KCNMA1: variants seen among roughly 807,000 people sequenced by gnomAD.
KCNMA1 encodes potassium calcium-activated channel subfamily M alpha 1.
In KCNMA1, 29 loss-of-function variants were observed where a neutral mutation model predicts 140.0. The ratio of observed to expected loss-of-function variants is 0.21; its 90% confidence interval spans 0.15 to 0.28. KCNMA1 has a LOEUF of 0.28. Among genes scored for constraint, KCNMA1 ranks in the 10% least tolerant of loss-of-function variants. KCNMA1 has a pLI of 1.00. For missense variants in KCNMA1, 880 were observed against 1,602.2 expected, an observed-to-expected ratio of 0.55 and a Z score of 7.70; for synonymous variants, 612 against 611.9, an observed-to-expected ratio of 1.00 and a Z score of 0.00.
intron 22 of KCNMA1, 124 bp downstream of exon 22, chr10:76,949,018 C>T (rs2065276040): frequency 1.1e-6 from 1 of 878,230 alleles, no homozygotes; most frequent in Non-Finnish European, 1.9e-6. Context: ...GTGCTGAGTC[C>T]TCAGGCCCAT....
At chr10:77,333,350 C>CA (rs68185333) in intron 2 of KCNMA1, among the ~76,000 whole-genome samples, 179 of 105,524 alleles carry the variant, frequency 1.7e-3, no homozygotes, top group Non-Finnish European at 2.0e-3. Flanking sequence ...CCATGTCTAC[C>CA]AAAAAAAAAA....
intron 1 of KCNMA1, among the ~76,000 whole-genome samples, chr10:77,491,571 T>C (rs1363679210): frequency 6.6e-6 from 1 of 152,136 alleles, no homozygotes; most frequent in African/African-American, 2.4e-5. Context: ...TCCAATTTGC[T>C]GAGGACTGCA....
At chr10:77,558,627 A>C (rs2065343086) in intron 1 of KCNMA1, among the ~76,000 whole-genome samples, 1 of 152,150 alleles carries the variant, frequency 6.6e-6, no homozygotes, top group Non-Finnish European at 1.5e-5. Context: ...AGGGGAAAGA[A>C]ACAGATGGGC....
At chr10:77,163,706 T>C (rs2098598691) in intron 5 of KCNMA1, among the ~76,000 whole-genome samples, 1 of 152,226 alleles carries the variant, frequency 6.6e-6, no homozygotes, top group African/African-American at 2.4e-5. Context: ...GCTTCCATGA[T>C]GTACTGATGG....
chr10:77,187,755 A>G (rs1428129335), intron 3 of KCNMA1, among the ~76,000 whole-genome samples: 1 of 152,120 alleles, frequency 6.6e-6, no homozygotes, highest in Non-Finnish European at 1.5e-5. Context: ...CCTGCTTGCC[A>G]CTACAGCCCC....
intron 19 of KCNMA1, among the ~76,000 whole-genome samples, chr10:76,976,379 G>A (rs2077522807): frequency 6.6e-6 from 1 of 152,192 alleles, no homozygotes; most frequent in Admixed American, 6.5e-5. Context: ...AATTGTGTAA[G>A]TTTGAGTCCA....
chr10:77,421,752 T>C (rs1039886846), intron 1 of KCNMA1, among the ~76,000 whole-genome samples: 2 of 152,242 alleles, frequency 1.3e-5, no homozygotes, highest in African/African-American at 4.8e-5. Flanking sequence ...CCACAGCCTG[T>C]GGTGTGCCAG....
intron 15 of KCNMA1, among the ~76,000 whole-genome samples, chr10:77,037,858 G>A (rs922468298): frequency 2.4e-4 from 37 of 152,138 alleles, no homozygotes; most frequent in Admixed American, 4.6e-4. Context: ...GCTCCAGGGA[G>A]GGGGAGATCC....
intron 23 of KCNMA1, among the ~76,000 whole-genome samples, chr10:76,925,176 T>C (rs1431070485): frequency 6.6e-6 from 1 of 152,244 alleles, no homozygotes; most frequent in Non-Finnish European, 1.5e-5. Flanking sequence ...CATATTAATG[T>C]TTAAATGTTG....
intron 2 of KCNMA1, among the ~76,000 whole-genome samples, chr10:77,311,256 GCAAATACAGTGGTGGT>G (rs1326296285): frequency 6.6e-6 from 1 of 152,182 alleles, no homozygotes; most frequent in Non-Finnish European, 1.5e-5. Context: ...TTCTCCCCTG[GCAAATACAGTGGTGGT>G]CCCTGAGTCC....
chr10:77,622,171 T>C (rs1407441437), intron 1 of KCNMA1, among the ~76,000 whole-genome samples: 1 of 152,200 alleles, frequency 6.6e-6, no homozygotes, highest in Non-Finnish European at 1.5e-5. Context: ...GGGAATGTAA[T>C]AGAACTAGAC....
chr10:77,483,943 T>C (rs1487019244), intron 1 of KCNMA1, among the ~76,000 whole-genome samples: 1 of 152,150 alleles, frequency 6.6e-6, no homozygotes, highest in African/African-American at 2.4e-5. Flanking sequence ...GGTGACATTT[T>C]AATAAGGAAT....
At chr10:77,341,034 G>C (rs1232131315) in intron 2 of KCNMA1, among the ~76,000 whole-genome samples, 1 of 152,124 alleles carries the variant, frequency 6.6e-6, no homozygotes, top group Non-Finnish European at 1.5e-5. Context: ...AGGTCCCAGG[G>C]TCATGGCCTC....
chr10:77,229,614 A>G (rs1042236701), intron 3 of KCNMA1, among the ~76,000 whole-genome samples: 1 of 152,114 alleles, frequency 6.6e-6, no homozygotes, highest in Admixed American at 6.5e-5. Context: ...GGGAAGAGGG[A>G]GATCTGGATT....
chr10:76,934,257 C>T (rs1249797147), intron 23 of KCNMA1, among the ~76,000 whole-genome samples: 1 of 152,216 alleles, frequency 6.6e-6, no homozygotes, highest in Non-Finnish European at 1.5e-5. Context: ...CAGGCATGAG[C>T]CACTGCATCT....
chr10:77,372,837 C>T (rs1271873797), intron 2 of KCNMA1: 3 of 152,140 alleles, frequency 2.0e-5, no homozygotes, highest in Admixed American at 6.5e-5. Flanking sequence ...AGACTTGGTT[C>T]TATTAGCAGG....
In KCNMA1 at chr10:77,611,468, T is replaced by C. The variant is rs150065612; in HGVS notation, c.378+25797A>G. ...CCGGATCAAGGCTCATCTGAAGTCA[T>C]CCACCTTTCCAACTATATGAGTCAA... On this transcript the variant is annotated intron_variant, in intron 1 of 27. Transcript: ENST00000286628. Among the ~76,000 whole-genome samples the C allele has an allele frequency of 7.5e-4, 114 of 152,304 alleles. 1 individual carries two copies. The East Asian group carries it at 0.021, about 28-fold the overall frequency.
intron 1 of KCNMA1, among the ~76,000 whole-genome samples, chr10:77,601,658 A>G (rs1488838922): frequency 6.6e-6 from 1 of 152,230 alleles, no homozygotes; most frequent in Admixed American, 6.5e-5. Context: ...TGGAGGCCAC[A>G]GTCCAATCCC....
chr10:77,208,070 C>T (rs114395412), intron 3 of KCNMA1, among the ~76,000 whole-genome samples: 2,557 of 152,362 alleles, frequency 0.017, 66 homozygotes, highest in African/African-American at 0.058. Context: ...CCATTTTACA[C>T]ATTCTCAGTT....
Sources: allele counts gnomAD v4.1 joint callset (sites outside exome capture counted in the v4.1 genomes callset), GRCh38; gene constraint gnomAD v4.1.1; transcripts MANE v1.5; gene names NCBI Gene and HGNC (gene_info 2026-07-23, HGNC 2026-07-21).